The following SLC17A2 variants were observed in gnomAD, a reference collection of about 807,000 sequenced individuals.
SLC17A2 encodes the protein sodium-dependent phosphate transport protein 3.
In SLC17A2, 38 loss-of-function variants were observed where a neutral mutation model predicts 52.1. That is an observed-to-expected ratio of 0.73 (90% CI 0.56 to 0.96). The LOEUF (loss-of-function observed/expected upper bound fraction) is 0.96, where lower values mean the gene tolerates loss of function less well. Ranked by LOEUF, SLC17A2 falls within the 40% of genes least tolerant of loss-of-function variation. SLC17A2 has a pLI of 0.00. For missense variants in SLC17A2, 508 were observed against 583.9 expected, an observed-to-expected ratio of 0.87 and a Z score of 1.34; for synonymous variants, 226 against 211.9, an observed-to-expected ratio of 1.07 and a Z score of -0.58.
intron 10 of SLC17A2, among the ~76,000 whole-genome samples, chr6:25,915,149 GTATATATATATATATA>G (rs59580107): frequency 1.0e-4 from 6 of 57,898 alleles, no homozygotes; most frequent in Non-Finnish European, 1.2e-4. Flanking sequence ...TATTGTGACT[GTATATATATATATATA>G]TATATATATA....
At chr6:25,916,470 A>G (rs993654823) in intron 8 of SLC17A2, among the ~76,000 whole-genome samples, 2 of 152,196 alleles carry the variant, frequency 1.3e-5, no homozygotes, top group African/African-American at 4.8e-5. Context: ...CAGCAGCTCT[A>G]TCACTTAGTA....
Position 25,923,754 on chromosome 6 carries a change from C to T in SLC17A2, c.181G>A (p.Gly61Arg), listed in dbSNP as rs777383618. The change falls in exon 3 of 12, where the codon GGG (glycine) becomes AGG (arginine). Residue 61 changes from glycine to arginine, a missense_variant. Physicochemically the swap from Gly to Arg is moderately radical, Grantham distance 125. Transcript: ENST00000377850. Reference protein sequence around the residue: ...QQGLSNASTEGPVADAFNNSS... With the variant: ...QQGLSNASTERPVADAFNNSS... The stretch of plus-strand genomic sequence containing the variant: ...TTATTGAAGGCATCTGCAACAGGCC[C>T]CTCAGTGGAGGCATTAGATAGACCT... The T allele has an allele frequency of 5.0e-6, 8 of 1,614,136 alleles. No homozygotes were observed. In the East Asian group the frequency reaches 1.3e-4, roughly 27 times the overall value.
At chr6:25,915,151 A>ATG (rs1766254891) in intron 10 of SLC17A2, among the ~76,000 whole-genome samples, 4 of 88,298 alleles carry the variant, frequency 4.5e-5, no homozygotes, top group African/African-American at 2.7e-4. Context: ...TTGTGACTGT[A>ATG]TATATATATA....
chr6:25,925,682 G>A, intron 2 of SLC17A2, 87 bp downstream of exon 2: 3 of 1,198,338 alleles, frequency 2.5e-6, no homozygotes, highest in Non-Finnish European at 3.8e-6. Context: ...TCTTTACGAA[G>A]GGTCAGTGTG....
rs1443058392 is a variant in SLC17A2, at chr6:25,916,844, G to T, written c.771C>A (p.Pro257=). The change falls in exon 8 of 12, where the codon CCC becomes CCA. Residue 257 remains proline (P), a splice_region_variant and synonymous_variant. Coordinates refer to ENST00000377850, the MANE Select transcript of SLC17A2 (RefSeq NM_001286123.3). The stretch of plus-strand genomic sequence containing the variant: ...TGGGGACAGCTCGTCCAGGAGAACT[G>T]GGCTGAAAAGAAAGATCTAATCAGC... ...EHILSSLAQQ[P]SSPGRAVPIK... is the part of the protein sequence containing the mutation. 4.3e-6 allele frequency: 7 copies of T among 1,613,952 alleles called. No homozygotes were observed. Among genetic ancestry groups the T allele is most frequent in the Non-Finnish European group, 5.1e-6 (6 of 1,180,000 alleles).
intron 5 of SLC17A2, among the ~76,000 whole-genome samples, chr6:25,919,533 T>C (rs1190989895): frequency 6.6e-6 from 1 of 151,168 alleles, no homozygotes; most frequent in African/African-American, 2.4e-5. Context: ...ACCCCGTCTC[T>C]ACTAAAAATA....
chr6:25,925,116 G>A (rs1766710850), intron 2 of SLC17A2, among the ~76,000 whole-genome samples: 1 of 152,172 alleles, frequency 6.6e-6, no homozygotes, highest in East Asian at 1.9e-4. Context: ...GGTGGTCTGG[G>A]AAATAATTAT....
intron 2 of SLC17A2, among the ~76,000 whole-genome samples, chr6:25,925,388 C>T (rs1331828634): frequency 6.6e-6 from 1 of 151,770 alleles, no homozygotes; most frequent in Non-Finnish European, 1.5e-5. Context: ...TGGTGTGTGC[C>T]TGTAGTCCAA....
At chr6:25,922,177 A>G (rs1403296477) in intron 3 of SLC17A2, among the ~76,000 whole-genome samples, 4 of 152,072 alleles carry the variant, frequency 2.6e-5, no homozygotes, top group Admixed American at 6.5e-5. Flanking sequence ...AACTATAAAT[A>G]ATACAAGGTA....
chr6:25,918,351 C>T, intron 6 of SLC17A2, 136 bp downstream of exon 6: 2 of 634,204 alleles, frequency 3.2e-6, no homozygotes, highest in South Asian at 3.7e-5. Flanking sequence ...AAAATGATAC[C>T]AACCGTTGAC....
Position 25,921,228 on chromosome 6 carries a change from A to G in SLC17A2, c.425T>C (p.Phe142Ser). Residue 142 changes from phenylalanine to serine, a missense_variant, in exon 4 of 12, where the codon TTC becomes TCC. Coordinates refer to ENST00000377850, the MANE Select transcript of SLC17A2 (RefSeq NM_001286123.3). The stretch of plus-strand genomic sequence containing the variant: ...AACCATGATGACCAAAATCACTCCG[A>G]AGTCAGCAGCCAGTGGTGTAAAGAG... ...LTLFTPLAAD[F>S]GVILVIMVRT... The G allele has an allele frequency of 1.9e-6, 3 of 1,614,228 alleles. No homozygotes were observed. Among genetic ancestry groups the G allele is most frequent in the Non-Finnish European group, 2.5e-6 (3 of 1,180,042 alleles).
rs763625399 is a variant in SLC17A2, at chr6:25,915,590, C to T, written c.1120G>A (p.Val374Met). 27 of 1,612,646 alleles carry T rather than the reference C, an allele frequency of 1.7e-5. No individual in the cohort carries two copies. The highest frequency in any genetic ancestry group is 2.3e-5 in the Non-Finnish European group (27 of 1,179,276). ...AGTATCAGCAAAATAATGGTTATCA[C>T]GTAACTGGAGGCCACAAAGGGCAGG... Reference protein sequence around the residue: ...VALPFVASSYVITIILLILIP... With the variant: ...VALPFVASSYMITIILLILIP... Residue 374 changes from valine to methionine, a missense_variant, in exon 10 of 12, where the codon GTG (valine) becomes ATG (methionine). Coordinates refer to ENST00000377850, the MANE Select transcript of SLC17A2 (RefSeq NM_001286123.3).
Position 25,913,117 on chromosome 6 carries a change from G to T in SLC17A2, c.*200C>A, listed in dbSNP as rs1022960557. Reference sequence around the variant, plus strand: ...GAGTATCTAAAAATTAGTAGTATCTGGGTTCCACCCCAGACCAATTCATTC... The same window carrying T: ...GAGTATCTAAAAATTAGTAGTATCTTGGTTCCACCCCAGACCAATTCATTC... On this transcript the variant is annotated 3_prime_UTR_variant, in exon 12 of 12. Transcript: ENST00000377850. 1 of 557,762 alleles carries T rather than the reference G, an allele frequency of 1.8e-6. No homozygotes were observed. Among genetic ancestry groups the T allele is most frequent in the Non-Finnish European group, 3.2e-6 (1 of 312,528 alleles). 34.6% of individuals were successfully genotyped at this position (557,762 alleles called of 1,614,324 possible). A position where few individuals can be genotyped will look rare whatever the true frequency, so the allele number is the denominator to read the frequency against.
rs1766553671 is a variant in SLC17A2 at position 25,921,358 on chromosome 6, T to C, written c.295A>G (p.Asn99Asp). 1 of 1,614,062 alleles carries C rather than the reference T, an allele frequency of 6.2e-7. No individual in the cohort carries two copies. Among genetic ancestry groups the C allele is most frequent in the African/African-American group, 1.3e-5 (1 of 74,924 alleles). Reference sequence around the variant, plus strand: ...ATCAGAGTCAGTATTATCCCATAGTTGATGGAGCTAAAGATGATACCCTGA... The same window carrying C: ...ATCAGAGTCAGTATTATCCCATAGTCGATGGAGCTAAAGATGATACCCTGA... ...ETQGIIFSSI[N>D]YGIILTLIPS... Residue 99 changes from asparagine to aspartate, a missense_variant, in exon 4 of 12, where the codon AAC (asparagine) becomes GAC (aspartate). By Grantham distance (23) the Asn-to-Asp change is conservative. Transcript: ENST00000377850.
rs184059379 is a variant in SLC17A2, at chr6:25,920,916, C to G, written c.562+90G>C. On this transcript the variant is annotated intron_variant, in intron 5 of 11. Coordinates refer to ENST00000377850, the MANE Select transcript of SLC17A2 (RefSeq NM_001286123.3). ...TGAATTTTTCAGCAGTACTTTTTCT[C>G]TCTCTTCCCCAAACCATTTGATTCA... 1.4e-5 allele frequency: 17 copies of G among 1,236,866 alleles called. No homozygotes were observed. The African/African-American group carries it at 2.3e-4, about 16-fold the overall frequency. 76.6% of individuals were successfully genotyped at this position (1,236,866 alleles called of 1,614,324 possible). A position where few individuals can be genotyped will look rare whatever the true frequency, so the allele number is the denominator to read the frequency against.
At chr6:25,924,386 C>G (rs184305525) in intron 2 of SLC17A2, among the ~76,000 whole-genome samples, 1 of 152,234 alleles carries the variant, frequency 6.6e-6, no homozygotes, top group African/African-American at 2.4e-5. Context: ...CAAGGATTCT[C>G]TTTTAATACA....
chr6:25,915,463 G>A (rs1320126950), intron 10 of SLC17A2, 36 bp downstream of exon 10: 1 of 1,535,282 alleles, frequency 6.5e-7, no homozygotes. Context: ...CTCTGGAGGG[G>A]TCTGGAGGAG....
Position 25,916,982 on chromosome 6 carries a change from G to A in SLC17A2, c.755C>T (p.Ser252Leu). Residue 252 changes from serine (S) to leucine (L), a missense_variant, in exon 7 of 12, where the codon TCA (serine) becomes TTA (leucine). Ser to Leu is a moderately radical substitution (Grantham distance 145, BLOSUM62 -2). Transcript: ENST00000377850. Reference sequence around the variant, plus strand: ...TGTGCACTGTACCTGTTGAGCCAGTGAGGACAGGATGTGCTCCTTTTCCCT... The same window carrying A: ...TGTGCACTGTACCTGTTGAGCCAGTAAGGACAGGATGTGCTCCTTTTCCCT... ...SVREKEHILS[S>L]LAQQPSSPGR... 1.2e-6 allele frequency: 2 copies of A among 1,613,752 alleles called. No individual in the cohort carries two copies. The highest frequency in any genetic ancestry group is 8.5e-7 in the Non-Finnish European group (1 of 1,179,640).
chr6:25,923,311 G>T (rs559316105), intron 3 of SLC17A2, among the ~76,000 whole-genome samples: 70 of 152,280 alleles, frequency 4.6e-4, no homozygotes, highest in African/African-American at 1.2e-3. Context: ...AGAATCGTTT[G>T]CATTTCTATT....
Sources: allele counts gnomAD v4.1 joint callset (sites outside exome capture counted in the v4.1 genomes callset), GRCh38; gene constraint gnomAD v4.1.1; transcripts MANE v1.5; gene names NCBI Gene and HGNC (gene_info 2026-07-23, HGNC 2026-07-21).